ESRRG: variants seen among roughly 807,000 people sequenced by gnomAD.
The protein encoded by ESRRG is estrogen-related receptor gamma.
Under a neutral mutation model 44.0 loss-of-function variants are expected in ESRRG, and 13 were observed. The observed-to-expected ratio is 0.30, with a 90% CI of 0.19 to 0.47. ESRRG has a LOEUF of 0.47. ESRRG is among the 20% of genes least tolerant of loss of function. The pLI is 1.00. For synonymous variants in ESRRG, 215 were observed against 214.6 expected, an observed-to-expected ratio of 1.00 and a Z score of -0.02; for missense variants, 395 against 580.6, an observed-to-expected ratio of 0.68 and a Z score of 3.29.
intron 1 of ESRRG, among the ~76,000 whole-genome samples, chr1:216,715,508 C>A (rs2084661722): frequency 6.6e-6 from 1 of 151,834 alleles, no homozygotes; most frequent in African/African-American, 2.4e-5. Flanking sequence ...TTTAACATGC[C>A]CATCTTACAT....
At chr1:217,104,726 A>T (rs993617759) in intron 1 of ESRRG, among the ~76,000 whole-genome samples, 8 of 152,306 alleles carry the variant, frequency 5.3e-5, no homozygotes, top group Admixed American at 4.6e-4. Flanking sequence ...ATTGGGCTTT[A>T]AGTAAAAAGA....
At chr1:216,938,348 T>A (rs1477468742) in intron 2 of ESRRG, among the ~76,000 whole-genome samples, 1 of 152,124 alleles carries the variant, frequency 6.6e-6, no homozygotes, top group Non-Finnish European at 1.5e-5. Context: ...CACTAATATT[T>A]AAAACTAAAC....
Position 216,560,926 on chromosome 1 carries a change from T to C in ESRRG, c.862+3293A>G, listed in dbSNP as rs149044094. Among the ~76,000 whole-genome samples the C allele has an allele frequency of 3.9e-4, 60 of 152,294 alleles. No individual in the cohort carries two copies. In the East Asian group the frequency reaches 6.2e-3, roughly 16 times the overall value. On this transcript the variant is annotated intron_variant, in intron 5 of 6. Transcript: ENST00000408911. Reference sequence around the variant, plus strand: ...AATTTCCAAGGATATAAAAGGATGCTAATGGCTGGGCCCTGTCATTCTTAA... The same window carrying C: ...AATTTCCAAGGATATAAAAGGATGCCAATGGCTGGGCCCTGTCATTCTTAA...
At chr1:216,897,242 T>C (rs1056642047) in intron 2 of ESRRG, among the ~76,000 whole-genome samples, 7 of 152,176 alleles carry the variant, frequency 4.6e-5, no homozygotes, top group African/African-American at 1.7e-4. Context: ...TAAATTACTC[T>C]TGGGGTTGTG....
At chr1:216,815,559 C>A (rs1046146949) in intron 2 of ESRRG, among the ~76,000 whole-genome samples, 2 of 152,196 alleles carry the variant, frequency 1.3e-5, no homozygotes, top group African/African-American at 4.8e-5. Flanking sequence ...TGCCACCTGC[C>A]CTGGGAAAAA....
chr1:216,521,484 C>T (rs1437105433), intron 5 of ESRRG, among the ~76,000 whole-genome samples: 2 of 151,692 alleles, frequency 1.3e-5, no homozygotes, highest in Non-Finnish European at 2.9e-5. Flanking sequence ...AAGTTAGGAG[C>T]AAAAATGAAT....
intron 3 of ESRRG, among the ~76,000 whole-genome samples, chr1:216,585,949 A>G (rs925303481): frequency 6.6e-5 from 10 of 152,108 alleles, no homozygotes; most frequent in Admixed American, 2.0e-4. Flanking sequence ...CTGAGACAGG[A>G]GAATGGCGTG....
At chr1:216,855,110 C>T (rs538891345) in intron 2 of ESRRG, 3 of 152,108 alleles carry the variant, frequency 2.0e-5, no homozygotes, top group Non-Finnish European at 4.4e-5. Context: ...GAATTTTTCC[C>T]ATATATATTT....
intron 1 of ESRRG, among the ~76,000 whole-genome samples, chr1:217,100,112 T>C (rs1277072358): frequency 6.6e-6 from 1 of 152,210 alleles, no homozygotes; most frequent in African/African-American, 2.4e-5. Context: ...GGAAGCTATG[T>C]AATTACTTTA....
intron 5 of ESRRG, among the ~76,000 whole-genome samples, chr1:216,550,704 A>T (rs1261856542): frequency 6.6e-6 from 1 of 152,182 alleles, no homozygotes; most frequent in African/African-American, 2.4e-5. Flanking sequence ...CAATGGTTGT[A>T]ATCAGTTCTA....
intron 2 of ESRRG, among the ~76,000 whole-genome samples, chr1:216,884,628 C>T (rs769451731): frequency 6.6e-6 from 1 of 152,166 alleles, no homozygotes; most frequent in Admixed American, 6.5e-5. Flanking sequence ...GCAGTCTTCT[C>T]AGTTTCCTCT....
intron 4 of ESRRG, among the ~76,000 whole-genome samples, chr1:216,565,781 A>T (rs143253533): frequency 6.6e-6 from 1 of 152,146 alleles, no homozygotes; most frequent in Non-Finnish European, 1.5e-5. Flanking sequence ...ATAGAGATTA[A>T]TTTTTTAATA....
chr1:216,565,433 T>C (rs1266243502), intron 4 of ESRRG, among the ~76,000 whole-genome samples: 1 of 152,202 alleles, frequency 6.6e-6, no homozygotes, highest in Non-Finnish European at 1.5e-5. Context: ...ATGAGGTTCT[T>C]GTGAACACAG....
chr1:217,097,319 C>A (rs1219641744), intron 1 of ESRRG, among the ~76,000 whole-genome samples: 2 of 152,178 alleles, frequency 1.3e-5, no homozygotes, highest in Non-Finnish European at 2.9e-5. Flanking sequence ...TATTATAAAA[C>A]TCCTAAATTT....
At chr1:216,744,176 T>G (rs2091103768) in intron 2 of ESRRG, among the ~76,000 whole-genome samples, 1 of 152,168 alleles carries the variant, frequency 6.6e-6, no homozygotes, top group Non-Finnish European at 1.5e-5. Context: ...AGAAATACAT[T>G]GTCCGTTAGA....
chr1:216,650,848 C>A (rs1161133535), intron 3 of ESRRG, 125 bp downstream of exon 3: 4 of 699,910 alleles, frequency 5.7e-6, no homozygotes, highest in African/African-American at 3.5e-5. Context: ...GAGTATTCTG[C>A]CATCAGAGTC....
chr1:216,534,953 A>T (rs1484604112), intron 5 of ESRRG, among the ~76,000 whole-genome samples: 7 of 152,170 alleles, frequency 4.6e-5, no homozygotes, highest in Non-Finnish European at 1.0e-4. Flanking sequence ...GGTCAATCCA[A>T]GTCAGCCTGC....
chr1:216,796,068 G>T (rs1273254323), intron 2 of ESRRG, among the ~76,000 whole-genome samples: 2 of 152,152 alleles, frequency 1.3e-5, no homozygotes, highest in African/African-American at 4.8e-5. Context: ...CTGAAACTTG[G>T]CCTCAACATC....
intron 1 of ESRRG, chr1:217,076,969 A>C (rs2091355873): frequency 6.6e-6 from 1 of 152,190 alleles, no homozygotes; most frequent in African/African-American, 2.4e-5. Context: ...GTTGGTTGGA[A>C]ATAGGTAAGG....
Sources: gnomAD v4.1 joint callset for allele counts (sites outside exome capture counted in the v4.1 genomes callset) on GRCh38, gnomAD v4.1.1 for gene constraint, MANE v1.5 for transcripts, NCBI Gene and HGNC (gene_info 2026-07-23, HGNC 2026-07-21) for gene names.